PDE4B: variants seen among roughly 807,000 people sequenced by gnomAD.
PDE4B encodes phosphodiesterase 4B, also known as 3',5'-cyclic-AMP phosphodiesterase 4B.
A neutral mutation model predicts 82.2 loss-of-function variants in PDE4B; 20 were observed. The observed-to-expected ratio is 0.24, with a 90% CI of 0.17 to 0.35. The LOEUF is 0.35. Ranked by LOEUF, PDE4B falls within the 10% of genes least tolerant of loss-of-function variation. PDE4B has a pLI of 1.00. For synonymous variants in PDE4B, 320 were observed against 318.9 expected (o/e 1.00, Z -0.04); for missense variants, 655 against 907.2 (o/e 0.72, Z 3.57).
At chr1:65,823,110 T>C (rs1645973048) in intron 1 of PDE4B, among the ~76,000 whole-genome samples, 1 of 152,056 alleles carries the variant, frequency 6.6e-6, no homozygotes, top group Non-Finnish European at 1.5e-5. Flanking sequence ...TAAAAAATTC[T>C]GGACAGGCTG....
At chr1:65,915,227 G>A (rs1464535002) in intron 2 of PDE4B, among the ~76,000 whole-genome samples, 1 of 152,116 alleles carries the variant, frequency 6.6e-6, no homozygotes, top group Non-Finnish European at 1.5e-5. Flanking sequence ...TAGTAAGAGC[G>A]ATAAAAATTA....
At position 65,825,908 on chromosome 1, in the gene PDE4B, T is replaced by C. The variant is rs554150262; in HGVS notation, c.-71+32660T>C. Among the ~76,000 whole-genome samples the C allele has an allele frequency of 5.9e-5, 9 of 152,278 alleles. No homozygotes were observed. The East Asian group carries it at 1.2e-3, about 20-fold the overall frequency. On this transcript the variant is annotated intron_variant, in intron 1 of 16. Transcript: ENST00000341517. ...TGCTACATCCTTCTGGTACTGGCTG[T>C]GAATACTTTTACAGTGATGGTTTTA... is the stretch of plus-strand genomic sequence containing the variant.
chr1:66,349,364 G>T (rs919953116), intron 8 of PDE4B, among the ~76,000 whole-genome samples: 1 of 152,110 alleles, frequency 6.6e-6, no homozygotes, highest in Non-Finnish European at 1.5e-5. Context: ...TGATTACTAC[G>T]TTGCTGAGCA....
At chr1:66,348,875 A>G (rs1221573315) in intron 8 of PDE4B, among the ~76,000 whole-genome samples, 2 of 152,064 alleles carry the variant, frequency 1.3e-5, no homozygotes. Context: ...CCATTTGATT[A>G]CATCACTGCA....
At chr1:66,275,036 A>G (rs1158077401) in intron 7 of PDE4B, among the ~76,000 whole-genome samples, 3 of 152,212 alleles carry the variant, frequency 2.0e-5, no homozygotes, top group African/African-American at 7.2e-5. Flanking sequence ...CATACATGGG[A>G]AAGCTGAAAA....
intron 1 of PDE4B, among the ~76,000 whole-genome samples, chr1:65,821,406 C>T (rs1645951066): frequency 6.6e-6 from 1 of 152,190 alleles, no homozygotes; most frequent in Non-Finnish European, 1.5e-5. Context: ...AACTATTTAA[C>T]AAGTTCTTTG....
At chr1:65,862,868 T>C (rs1437724649) in intron 1 of PDE4B, among the ~76,000 whole-genome samples, 1 of 152,212 alleles carries the variant, frequency 6.6e-6, no homozygotes, top group Non-Finnish European at 1.5e-5. Flanking sequence ...TTGATGGTAG[T>C]TTGTATTTCT....
At chr1:66,275,846 T>C (rs1169239930) in intron 7 of PDE4B, among the ~76,000 whole-genome samples, 1 of 152,206 alleles carries the variant, frequency 6.6e-6, no homozygotes, top group Non-Finnish European at 1.5e-5. Context: ...TGGATCTTTT[T>C]CTTGGTTTAT....
chr1:66,233,263 C>A (rs990341592), intron 3 of PDE4B, among the ~76,000 whole-genome samples: 1 of 152,160 alleles, frequency 6.6e-6, no homozygotes, highest in Non-Finnish European at 1.5e-5. Flanking sequence ...TTATTTCACT[C>A]AGCATAATTA....
intron 3 of PDE4B, among the ~76,000 whole-genome samples, chr1:66,014,444 T>C (rs1308149625): frequency 6.6e-6 from 1 of 152,158 alleles, no homozygotes; most frequent in Non-Finnish European, 1.5e-5. Flanking sequence ...AGGTTTTTGA[T>C]CCATTTTGAG....
At position 66,257,939 on chromosome 1, in the gene PDE4B, A is replaced by G. The variant is rs1205603737; in HGVS notation, c.584+76A>G. 6.3e-6 allele frequency: 6 copies of G among 954,066 alleles called. No individual in the cohort carries two copies. In the East Asian group the frequency reaches 1.2e-4, roughly 20 times the overall value. 59.1% of individuals were successfully genotyped at this position (954,066 alleles called of 1,614,324 possible). A position where few individuals can be genotyped will look rare whatever the true frequency, so the allele number is the denominator to read the frequency against. Reference sequence around the variant, plus strand: ...AATATTGAGCAGCATTTAAAAAAATACAACTATTACATGGAAAATTGTCCT... The same window carrying G: ...AATATTGAGCAGCATTTAAAAAAATGCAACTATTACATGGAAAATTGTCCT... On this transcript the variant is annotated intron_variant, in intron 6 of 16. Transcript: ENST00000341517.
rs142125642 is a variant in PDE4B at position 65,842,075 on chromosome 1, G to A, written c.-71+48827G>A. On this transcript the variant is annotated intron_variant, in intron 1 of 16. Transcript: ENST00000341517. Reference sequence around the variant, plus strand: ...GAATCTTACACCATGGACAATTAGAGGGAGCTATATTTAAGACTATATGGG... The same window carrying A: ...GAATCTTACACCATGGACAATTAGAAGGAGCTATATTTAAGACTATATGGG... Among the ~76,000 whole-genome samples, 665 of 152,212 alleles carry A rather than the reference G, an allele frequency of 4.4e-3. 5 individuals carry two copies. Among genetic ancestry groups the A allele is most frequent in the African/African-American group, 0.015 (637 of 41,544 alleles).
At chr1:65,855,775 G>A (rs543273009) in intron 1 of PDE4B, among the ~76,000 whole-genome samples, 18 of 151,974 alleles carry the variant, frequency 1.2e-4, no homozygotes, top group South Asian at 2.1e-4. Context: ...TGATCTTTGC[G>A]TCCTTGATTT....
chr1:66,005,959 A>G (rs958297600), intron 3 of PDE4B, among the ~76,000 whole-genome samples: 1 of 152,158 alleles, frequency 6.6e-6, no homozygotes, highest in Admixed American at 6.5e-5. Flanking sequence ...TACCTTATGT[A>G]TTATAGTATG....
chr1:66,144,332 G>T (rs1455410131), intron 3 of PDE4B, among the ~76,000 whole-genome samples: 1 of 152,184 alleles, frequency 6.6e-6, no homozygotes, highest in East Asian at 1.9e-4. Flanking sequence ...GGTATATGAT[G>T]AGACCCTTCA....
chr1:66,087,414 G>A (rs1204414272), intron 3 of PDE4B, among the ~76,000 whole-genome samples: 3 of 152,010 alleles, frequency 2.0e-5, no homozygotes, highest in Non-Finnish European at 1.5e-5. Flanking sequence ...AGATGAGTAG[G>A]TTGCGAAAAT....
intron 3 of PDE4B, among the ~76,000 whole-genome samples, chr1:66,133,753 C>A (rs531480149): frequency 8.5e-5 from 13 of 152,194 alleles, no homozygotes; most frequent in Non-Finnish European, 1.8e-4. Flanking sequence ...TGGTGTCTTG[C>A]TACCTTCTCA....
At chr1:66,029,122 A>T (rs1286618237) in intron 3 of PDE4B, among the ~76,000 whole-genome samples, 1 of 152,230 alleles carries the variant, frequency 6.6e-6, no homozygotes, top group Non-Finnish European at 1.5e-5. Context: ...ACAGTTCCAC[A>T]TGGCTGCAGA....
intron 3 of PDE4B, among the ~76,000 whole-genome samples, chr1:65,990,816 C>T (rs1463531210): frequency 1.3e-5 from 2 of 152,126 alleles, no homozygotes; most frequent in African/African-American, 4.8e-5. Context: ...AGAAGCTGAA[C>T]AAGGTGATTA....
Sources: gnomAD v4.1 joint callset for allele counts (sites outside exome capture counted in the v4.1 genomes callset) on GRCh38, gnomAD v4.1.1 for gene constraint, MANE v1.5 for transcripts, NCBI Gene and HGNC (gene_info 2026-07-23, HGNC 2026-07-21) for gene names.